The following DGCR2 variants were observed in gnomAD, a reference collection of about 807,000 sequenced individuals.
DGCR2 encodes the protein DiGeorge syndrome critical region gene 2.
DGCR2 carries 24 observed loss-of-function variants against 51.6 expected under a neutral mutation model. The observed-to-expected ratio is 0.47, with a 90% CI of 0.34 to 0.65. The LOEUF (loss-of-function observed/expected upper bound fraction) is 0.65. Ranked by LOEUF, DGCR2 falls within the 30% of genes least tolerant of loss-of-function variation. The probability of loss-of-function intolerance (pLI) is 0.01; values close to 1 mark genes in which losing one functional copy is unlikely to be tolerated. For synonymous variants in DGCR2, 340 were observed against 315.4 expected, an observed-to-expected ratio of 1.08 and a Z score of -0.82; for missense variants, 765 against 772.1, an observed-to-expected ratio of 0.99 and a Z score of 0.11.
At chr22:19,058,798 A>G (rs1466817678) in intron 5 of DGCR2, among the ~76,000 whole-genome samples, 1 of 152,246 alleles carries the variant, frequency 6.6e-6, no homozygotes, top group African/African-American at 2.4e-5. Context: ...ACCGGGGCAC[A>G]GCAAGTCAGA....
At chr22:19,066,606 G>A (rs2082752371) in intron 3 of DGCR2, among the ~76,000 whole-genome samples, 1 of 152,200 alleles carries the variant, frequency 6.6e-6, no homozygotes, top group Non-Finnish European at 1.5e-5. Flanking sequence ...GAGGCAGGCA[G>A]AGGCCAGGCC....
rs1280589718 is a variant in DGCR2 at position 19,057,361 on chromosome 22, G to C, written c.626-199C>G. ...TCACCCCAGGTGCTGGGCCTAGCGG[G>C]AGCCACTCCTTGGAGCCTGCAAGCA... On this transcript the variant is annotated intron_variant, in intron 5 of 9. Transcript: ENST00000263196. This position sits in a 1 kb window ranked among gnomAD's most constrained non-coding sequence, Gnocchi z 5.1. Among the ~76,000 whole-genome samples the C allele has an allele frequency of 4.1e-4, 62 of 152,340 alleles. No individual in the cohort carries two copies. The highest frequency in any genetic ancestry group is 1.9e-4 in the East Asian group (1 of 5,182).
intron 6 of DGCR2, among the ~76,000 whole-genome samples, chr22:19,050,340 C>T (rs1251641636): frequency 6.6e-6 from 1 of 152,186 alleles, no homozygotes; most frequent in Admixed American, 6.5e-5. Flanking sequence ...CACAGAAAAC[C>T]ATCAACCAAG....
At chr22:19,042,062 GCA>G (rs1271296449) in intron 7 of DGCR2, 103 bp from the exon 8 acceptor site, 3 of 1,344,586 alleles carry the variant, frequency 2.2e-6, no homozygotes, top group African/African-American at 2.9e-5. Flanking sequence ...TGTGGACAAG[GCA>G]CACAGTGTCT....
At position 19,037,741 on chromosome 22, in the gene DGCR2, C is replaced by T. The variant is rs1601491168; in HGVS notation, c.*1124G>A. ...GGCCCTGTGTCAGGCAACAAAACCA[C>T]TGCCCAGGAGCAGGCAACAGGGTCC... On this transcript the variant is annotated 3_prime_UTR_variant, in exon 10 of 10. Coordinates refer to ENST00000263196, the MANE Select transcript of DGCR2 (RefSeq NM_005137.3). The T allele has an allele frequency of 6.6e-6, 1 of 152,616 alleles. No individual in the cohort carries two copies. Among genetic ancestry groups the T allele is most frequent in the East Asian group, 1.9e-4 (1 of 5,192 alleles). 9.5% of individuals were successfully genotyped at this position (152,616 alleles called of 1,614,324 possible).
chr22:19,112,374 C>A (rs1276194252), intron 1 of DGCR2, among the ~76,000 whole-genome samples: 2 of 151,602 alleles, frequency 1.3e-5, no homozygotes. Flanking sequence ...GTTATAAATA[C>A]TGAGGTTACA....
intron 6 of DGCR2, chr22:19,056,392 C>T: frequency 4.7e-6 from 2 of 428,224 alleles, no homozygotes; most frequent in South Asian, 2.8e-5. Flanking sequence ...ACATGATCCG[C>T]AAGAACAAAG....
Position 19,089,455 on chromosome 22 carries a change from T to G in DGCR2, c.115A>C (p.Ser39Arg), listed in dbSNP as rs762779698. ...RCNPGQFACR[S>R]GTIQCIPLPW... is the part of the protein sequence containing the mutation. Reference sequence around the variant, plus strand: ...AGGGGGATGCACTGGATGGTGCCGCTGCGACACGCAAACTGCCCAGGGTTG... The same window carrying G: ...AGGGGGATGCACTGGATGGTGCCGCGGCGACACGCAAACTGCCCAGGGTTG... Residue 39 changes from serine to arginine, a missense_variant, in exon 2 of 10, where the codon AGC becomes CGC. Ser to Arg is a moderately radical substitution (Grantham distance 110). Transcript: ENST00000263196. The G allele has an allele frequency of 1.9e-6, 3 of 1,605,224 alleles. No homozygotes were observed. Among genetic ancestry groups the G allele is most frequent in the Non-Finnish European group, 2.6e-6 (3 of 1,175,452 alleles).
chr22:19,063,098 A>T, intron 5 of DGCR2, 104 bp downstream of exon 5: 5 of 1,082,436 alleles, frequency 4.6e-6, no homozygotes, highest in Non-Finnish European at 6.9e-6. Flanking sequence ...CCTGCACAGC[A>T]CCCCTACGGG....
intron 3 of DGCR2, chr22:19,065,287 T>A (rs1399232371): frequency 3.5e-6 from 2 of 564,620 alleles, no homozygotes; most frequent in African/African-American, 3.8e-5. Context: ...CGGTGACTCT[T>A]CCCATTTCTA....
At chr22:19,065,262 T>C in intron 3 of DGCR2, 195 bp from the exon 4 acceptor site, 1 of 591,658 alleles carries the variant, frequency 1.7e-6, no homozygotes, top group South Asian at 2.0e-5. Flanking sequence ...ACAGATTCAA[T>C]GATACAAGTA....
At chr22:19,052,594 G>A (rs1029399994) in intron 6 of DGCR2, among the ~76,000 whole-genome samples, 3 of 145,860 alleles carry the variant, frequency 2.1e-5, no homozygotes, top group South Asian at 2.2e-4. Flanking sequence ...GCAACATAGC[G>A]AAATCCCGCC....
chr22:19,103,414 T>C (rs1601294759), intron 1 of DGCR2, among the ~76,000 whole-genome samples: 1 of 112,660 alleles, frequency 8.9e-6, no homozygotes, highest in African/African-American at 3.2e-5. Context: ...ATAAAAAAAG[T>C]TCTTTTTTTT....
intron 5 of DGCR2, chr22:19,061,928 G>C (rs1046958972): frequency 1.3e-5 from 2 of 152,108 alleles, no homozygotes; most frequent in African/African-American, 2.4e-5. Flanking sequence ...GGCTCCAATG[G>C]AGTCACTGAG....
In DGCR2 at chr22:19,098,678, C is replaced by A. The variant is rs1382354892; in HGVS notation, c.80-9188G>T. On this transcript the variant is annotated intron_variant, in intron 1 of 9. Transcript: ENST00000263196. Reference sequence around the variant, plus strand: ...CCACAGATTACTGCAGCGTAGACACCCTGGGCTCCAGTGATCCTCTTGCCC... The same window carrying A: ...CCACAGATTACTGCAGCGTAGACACACTGGGCTCCAGTGATCCTCTTGCCC... 2.0e-5 allele frequency among the ~76,000 whole-genome samples: 3 copies of A among 152,234 alleles called. No individual in the cohort carries two copies. In the East Asian group the frequency reaches 5.8e-4, roughly 29 times the overall value.
chr22:19,077,419 C>T (rs2082890606), intron 2 of DGCR2, among the ~76,000 whole-genome samples: 1 of 152,194 alleles, frequency 6.6e-6, no homozygotes, highest in Admixed American at 6.5e-5. Flanking sequence ...GTTTTCCTAG[C>T]ACCATTCATT....
intron 2 of DGCR2, among the ~76,000 whole-genome samples, chr22:19,076,724 A>ATTTTTTTTTTTTTTTTTT (rs1165827499): frequency 1.3e-5 from 1 of 79,936 alleles, no homozygotes; most frequent in Non-Finnish European, 2.2e-5. Flanking sequence ...TCCTTTGCAC[A>ATTTTTTTTTTTTTTTTTT]TTTTTTTTTT....
At chr22:19,082,765 A>C (rs189301852) in intron 2 of DGCR2, among the ~76,000 whole-genome samples, 6 of 151,520 alleles carry the variant, frequency 4.0e-5, no homozygotes, top group Non-Finnish European at 7.4e-5. Flanking sequence ...TCCAAAAAAA[A>C]ACAGAAAAAA....
At chr22:19,083,035 C>T (rs928385453) in intron 2 of DGCR2, among the ~76,000 whole-genome samples, 1 of 147,772 alleles carries the variant, frequency 6.8e-6, no homozygotes, top group Non-Finnish European at 1.5e-5. Context: ...TGCAGTGATA[C>T]AAGAACGTGT....
Sources: gnomAD v4.1 joint callset for allele counts (sites outside exome capture counted in the v4.1 genomes callset) on GRCh38, gnomAD v4.1.1 for gene constraint, Gnocchi (gnomAD v3.1) non-coding constraint, MANE v1.5 for transcripts, NCBI Gene and HGNC (gene_info 2026-07-23, HGNC 2026-07-21) for gene names.